Variants in SLC25A21 observed in about 807,000 individuals in gnomAD.
SLC25A21 encodes the protein mitochondrial 2-oxodicarboxylate carrier.
In SLC25A21, 47 loss-of-function variants were observed where a neutral mutation model predicts 43.8. The ratio of observed to expected loss-of-function variants is 1.07; its 90% confidence interval spans 0.85 to 1.37. The LOEUF (loss-of-function observed/expected upper bound fraction) is 1.37. Among genes scored for constraint, SLC25A21 ranks in the 40% most tolerant of loss-of-function variants. The pLI, the probability that SLC25A21 is intolerant of heterozygous loss-of-function variation, is 0.00. For missense variants in SLC25A21, 352 were observed against 350.2 expected (o/e 1.00, Z -0.04); for synonymous variants, 131 against 121.3 (o/e 1.08, Z -0.52).
At chr14:36,970,874 A>T (rs1325168151) in intron 1 of SLC25A21, among the ~76,000 whole-genome samples, 1 of 152,198 alleles carries the variant, frequency 6.6e-6, no homozygotes, top group Non-Finnish European at 1.5e-5. Flanking sequence ...CTAATATTTC[A>T]TTCTTTGAAA....
chr14:37,025,734 T>C (rs532352324), intron 1 of SLC25A21, among the ~76,000 whole-genome samples: 1 of 151,964 alleles, frequency 6.6e-6, no homozygotes, highest in South Asian at 2.1e-4. Flanking sequence ...ATCATTTTAT[T>C]AAATTGACTG....
At chr14:36,835,964 C>A (rs1052882781) in intron 2 of SLC25A21, among the ~76,000 whole-genome samples, 1 of 152,192 alleles carries the variant, frequency 6.6e-6, no homozygotes, top group African/African-American at 2.4e-5. Flanking sequence ...ACCTTTGGCT[C>A]CCCTCCAGAG....
At chr14:36,785,988 G>A (rs890163485) in intron 3 of SLC25A21, among the ~76,000 whole-genome samples, 5 of 152,114 alleles carry the variant, frequency 3.3e-5, no homozygotes, top group Non-Finnish European at 5.9e-5. Flanking sequence ...CAAAAAATAT[G>A]GTATCACTGA....
intron 1 of SLC25A21, among the ~76,000 whole-genome samples, chr14:37,168,018 C>G (rs1353404861): frequency 1.3e-5 from 2 of 152,094 alleles, no homozygotes; most frequent in Non-Finnish European, 2.9e-5. Context: ...CTTGATAAAT[C>G]CGCTCGGTCT....
At chr14:37,016,453 G>A (rs974507343) in intron 1 of SLC25A21, among the ~76,000 whole-genome samples, 1 of 152,128 alleles carries the variant, frequency 6.6e-6, no homozygotes, top group Non-Finnish European at 1.5e-5. Flanking sequence ...TAGCCTTGTA[G>A]CATAGTTTGA....
Position 36,679,689 on chromosome 14 carries a change from T to TAATA in SLC25A21, c.*965_*968dup, listed in dbSNP as rs958713498. 8.1e-6 allele frequency: 8 copies of TAATA among 985,282 alleles called. No homozygotes were observed. In the African/African-American group the frequency reaches 1.4e-4, roughly 17 times the overall value. The allele number at this position is 985,282 out of a possible 1,614,324, so 61.0% of individuals were successfully genotyped here. A position where few individuals can be genotyped will look rare whatever the true frequency, so the allele number is the denominator to read the frequency against. ...CCCACCTGAAGTTGTCGTTTAAAAC[T>TAATA]AATAACCTGAAAATGCAGTTCTGTT... is the stretch of plus-strand genomic sequence containing the variant. On this transcript the variant is annotated 3_prime_UTR_variant, in exon 10 of 10. Coordinates refer to ENST00000331299, the MANE Select transcript of SLC25A21 (RefSeq NM_030631.4).
At chr14:37,012,521 A>C (rs556209004) in intron 1 of SLC25A21, among the ~76,000 whole-genome samples, 1 of 152,330 alleles carries the variant, frequency 6.6e-6, no homozygotes, top group South Asian at 2.1e-4. Context: ...AGTAGGAAAT[A>C]AATCTCAATT....
intron 1 of SLC25A21, among the ~76,000 whole-genome samples, chr14:37,006,068 T>C (rs1010735578): frequency 1.3e-5 from 2 of 152,204 alleles, no homozygotes; most frequent in African/African-American, 4.8e-5. Context: ...AGTTTAGATG[T>C]GACAAGGCAA....
rs117331437 is a variant in SLC25A21, at chr14:37,024,313, T to C, written c.70+147968A>G. Reference sequence around the variant, plus strand: ...ACACAGGACAAAAATTGCATCCTAATCCTTGTCAACTGTCTAATGGTAGTG... The same window carrying C: ...ACACAGGACAAAAATTGCATCCTAACCCTTGTCAACTGTCTAATGGTAGTG... On this transcript the variant is annotated intron_variant, in intron 1 of 9. Transcript: ENST00000331299. Among the ~76,000 whole-genome samples, 1,268 of 152,142 alleles carry C rather than the reference T, an allele frequency of 8.3e-3. 12 individuals carry two copies. The highest frequency in any genetic ancestry group is 0.017 in the Middle Eastern group (5 of 294).
intron 1 of SLC25A21, among the ~76,000 whole-genome samples, chr14:36,915,242 A>G (rs749363134): frequency 7.9e-5 from 12 of 152,132 alleles, no homozygotes; most frequent in Non-Finnish European, 1.0e-4. Flanking sequence ...ATCATGGCAC[A>G]GTTTCAACAG....
At chr14:37,013,159 G>A (rs1306245600) in intron 1 of SLC25A21, among the ~76,000 whole-genome samples, 1 of 152,046 alleles carries the variant, frequency 6.6e-6, no homozygotes, top group Non-Finnish European at 1.5e-5. Flanking sequence ...CTGTTCTATG[G>A]GTGTGAAATA....
chr14:36,896,987 C>A (rs541679406), intron 1 of SLC25A21, among the ~76,000 whole-genome samples: 2 of 152,094 alleles, frequency 1.3e-5, no homozygotes, highest in South Asian at 2.1e-4. Flanking sequence ...TACTTCATTT[C>A]GACTTTGGTG....
At chr14:36,932,503 A>G (rs1465989639) in intron 1 of SLC25A21, among the ~76,000 whole-genome samples, 1 of 152,102 alleles carries the variant, frequency 6.6e-6, no homozygotes, top group African/African-American at 2.4e-5. Context: ...TGTTTAACAA[A>G]TATTTATTGA....
intron 1 of SLC25A21, among the ~76,000 whole-genome samples, chr14:37,009,423 T>A (rs1252502060): frequency 6.6e-6 from 1 of 151,858 alleles, no homozygotes; most frequent in African/African-American, 2.4e-5. Flanking sequence ...GAGGCGGAGG[T>A]TGCAGTGAGC....
chr14:36,930,433 C>T (rs766273880), intron 1 of SLC25A21, among the ~76,000 whole-genome samples: 3 of 151,922 alleles, frequency 2.0e-5, no homozygotes, highest in Non-Finnish European at 4.4e-5. Context: ...TTCACTCAGT[C>T]CCCTCATCCA....
intron 1 of SLC25A21, among the ~76,000 whole-genome samples, chr14:37,144,930 T>G (rs931024016): frequency 2.7e-5 from 4 of 149,422 alleles, no homozygotes; most frequent in African/African-American, 9.9e-5. Flanking sequence ...GGGTGGTTGT[T>G]GTTGTTGTTG....
At chr14:36,699,567 G>A (rs1266919226) in intron 7 of SLC25A21, among the ~76,000 whole-genome samples, 2 of 152,178 alleles carry the variant, frequency 1.3e-5, no homozygotes, top group Non-Finnish European at 2.9e-5. Flanking sequence ...GTGGAGTCTA[G>A]AGGCAGGAGG....
At chr14:37,110,517 TATA>T (rs371359848) in intron 1 of SLC25A21, among the ~76,000 whole-genome samples, 115 of 152,268 alleles carry the variant, frequency 7.6e-4, no homozygotes, top group African/African-American at 2.5e-3. Flanking sequence ...AGACACAAGT[TATA>T]ATAAAGATAC....
At chr14:37,043,642 C>T (rs895554429) in intron 1 of SLC25A21, among the ~76,000 whole-genome samples, 1 of 152,144 alleles carries the variant, frequency 6.6e-6, no homozygotes, top group Non-Finnish European at 1.5e-5. Flanking sequence ...GACAGTGCCC[C>T]TCTCATGTGT....
Sources: gnomAD v4.1 joint callset for allele counts (sites outside exome capture counted in the v4.1 genomes callset) on GRCh38, gnomAD v4.1.1 for gene constraint, MANE v1.5 for transcripts, NCBI Gene and HGNC (gene_info 2026-07-23, HGNC 2026-07-21) for gene names.